The following PPP4R1 variants were observed in gnomAD, a reference collection of about 807,000 sequenced individuals.
PPP4R1 encodes protein phosphatase 4 regulatory subunit 1, also known as serine/threonine-protein phosphatase 4 regulatory subunit 1.
In PPP4R1, 42 loss-of-function variants were observed where a neutral mutation model predicts 111.2. The ratio of observed to expected loss-of-function variants is 0.38; its 90% CI spans 0.29 to 0.49. The LOEUF (loss-of-function observed/expected upper bound fraction) is 0.49. Among genes scored for constraint, PPP4R1 ranks in the 20% least tolerant of loss-of-function variants. PPP4R1 has a pLI of 0.97. For missense variants in PPP4R1, 1,012 were observed against 1,161.6 expected (o/e 0.87, Z 1.87); for synonymous variants, 409 against 405.5 (o/e 1.01, Z -0.10).
At chr18:9,561,086 G>C (rs1284132781) in intron 13 of PPP4R1, among the ~76,000 whole-genome samples, 1 of 151,418 alleles carries the variant, frequency 6.6e-6, no homozygotes, top group East Asian at 2.0e-4. Context: ...GGGCATGGTG[G>C]CTCGCAACTG....
At chr18:9,584,872 G>A in intron 6 of PPP4R1, 44 bp from the exon 7 acceptor site, 2 of 1,400,588 alleles carry the variant, frequency 1.4e-6, no homozygotes, top group African/African-American at 1.4e-5. Flanking sequence ...TATCAAGTAA[G>A]CCTCTTTCAG....
At chr18:9,603,169 TTAG>T (rs1262593999) in intron 2 of PPP4R1, among the ~76,000 whole-genome samples, 1 of 110,648 alleles carries the variant, frequency 9.0e-6, no homozygotes, top group African/African-American at 5.0e-5. Context: ...ATTCAACCAA[TTAG>T]TAGTCTTAAT....
chr18:9,608,561 C>G (rs747521110), intron 2 of PPP4R1, among the ~76,000 whole-genome samples: 1 of 152,194 alleles, frequency 6.6e-6, no homozygotes, highest in Non-Finnish European at 1.5e-5. Flanking sequence ...GCTCAAAGAT[C>G]TGTGCTAAAA....
In PPP4R1 at chr18:9,547,858, A is replaced by G. The variant is rs1568078220; in HGVS notation, c.2784T>C (p.Phe928=). The change falls in exon 20 of 20, where the codon TTT becomes TTC. Residue 928 remains phenylalanine (F), a synonymous_variant. Transcript: ENST00000400556. ...TGGTACTGGCAGGGTGGATGCTTGC[A>G]AAATACTTGACATCGCTGTCACGGT... ...QMDRDSDVKY[F]ASIHPASTKI... is the part of the protein sequence containing the mutation. The G allele has an allele frequency of 6.2e-7, 1 of 1,613,790 alleles. No homozygotes were observed. Among genetic ancestry groups the G allele is most frequent in the South Asian group, 1.1e-5 (1 of 91,056 alleles).
intron 9 of PPP4R1, among the ~76,000 whole-genome samples, chr18:9,579,840 T>A (rs981054954): frequency 4.6e-5 from 7 of 152,332 alleles, no homozygotes; most frequent in African/African-American, 1.7e-4. Context: ...CTATGCCATT[T>A]TGTATCAGAG....
At chr18:9,554,230 C>A (rs993788895) in intron 15 of PPP4R1, among the ~76,000 whole-genome samples, 1 of 151,252 alleles carries the variant, frequency 6.6e-6, no homozygotes, top group Admixed American at 6.6e-5. Context: ...CAGGTTCAAG[C>A]GATTCTCCTG....
At chr18:9,601,344 T>TA (rs1048875857) in intron 2 of PPP4R1, among the ~76,000 whole-genome samples, 1 of 151,620 alleles carries the variant, frequency 6.6e-6, no homozygotes, top group Non-Finnish European at 1.5e-5. Flanking sequence ...GCCAACATGG[T>TA]AAAACCCCTT....
intron 11 of PPP4R1, among the ~76,000 whole-genome samples, chr18:9,564,280 T>C (rs967728759): frequency 2.6e-5 from 4 of 152,220 alleles, no homozygotes; most frequent in Non-Finnish European, 4.4e-5. Context: ...TGCTTAGCAT[T>C]TATTCCAAGT....
In PPP4R1 at chr18:9,595,015, T is replaced by C. The variant is rs1040628357; in HGVS notation, c.188+3A>G. The C allele has an allele frequency of 6.2e-7, 1 of 1,613,730 alleles. No homozygotes were observed. On this transcript the variant is annotated splice_donor_region_variant and intron_variant, in intron 3 of 19. Coordinates refer to ENST00000400556, the MANE Select transcript of PPP4R1 (RefSeq NM_001042388.3). ...CACTTTAACAAAAAGAATATGCACA[T>C]ACCTGTTAAATATGTTCTCACTTGC...
intron 15 of PPP4R1, chr18:9,556,930 A>G (rs2066596946): frequency 4.3e-6 from 1 of 231,150 alleles, no homozygotes; most frequent in Non-Finnish European, 8.4e-6. Flanking sequence ...ATCCTCCTGC[A>G]TGTACTGAGG....
upstream of PPP4R1, among the ~76,000 whole-genome samples, chr18:9,616,985 T>C (rs538729116): frequency 1.1e-4 from 16 of 152,368 alleles, no homozygotes; most frequent in East Asian, 1.7e-3. Context: ...AGCACAAATA[T>C]GTGTTTTTTA....
intron 2 of PPP4R1, among the ~76,000 whole-genome samples, chr18:9,607,677 A>G (rs967013797): frequency 6.6e-6 from 1 of 152,124 alleles, no homozygotes; most frequent in African/African-American, 2.4e-5. Flanking sequence ...TGCTCACACT[A>G]AGTGTTGACA....
At chr18:9,556,591 G>C (rs536795729) in intron 15 of PPP4R1, among the ~76,000 whole-genome samples, 1 of 152,284 alleles carries the variant, frequency 6.6e-6, no homozygotes, top group East Asian at 1.9e-4. Flanking sequence ...AACAACAACA[G>C]TACTCCAGGA....
At chr18:9,580,648 C>G (rs1381645348) in intron 9 of PPP4R1, among the ~76,000 whole-genome samples, 1 of 152,182 alleles carries the variant, frequency 6.6e-6, no homozygotes, top group African/African-American at 2.4e-5. Flanking sequence ...CCGCGCCCAG[C>G]TGACCATTCC....
chr18:9,561,853 A>G, intron 13 of PPP4R1, 127 bp downstream of exon 13: 1 of 710,250 alleles, frequency 1.4e-6, no homozygotes, highest in Admixed American at 2.4e-5. Context: ...TTCCTTATGG[A>G]AAATATGACA....
At chr18:9,602,890 T>C (rs2067415030) in intron 2 of PPP4R1, among the ~76,000 whole-genome samples, 1 of 151,972 alleles carries the variant, frequency 6.6e-6, no homozygotes, top group Non-Finnish European at 1.5e-5. Flanking sequence ...GAACAGAAGA[T>C]TTTTAAGGTA....
intron 15 of PPP4R1, among the ~76,000 whole-genome samples, chr18:9,556,531 T>C (rs2145014420): frequency 6.6e-6 from 1 of 152,258 alleles, no homozygotes; most frequent in Middle Eastern, 3.4e-3. Context: ...ATTACTTCTA[T>C]CACTCAAGCC....
intron 2 of PPP4R1, among the ~76,000 whole-genome samples, chr18:9,595,541 G>A (rs1250106994): frequency 6.6e-6 from 1 of 152,090 alleles, no homozygotes; most frequent in East Asian, 1.9e-4. Flanking sequence ...AATGAAACTG[G>A]TATCTAACTT....
At chr18:9,562,116 G>C in intron 12 of PPP4R1, 41 bp from the exon 13 acceptor site, 1 of 1,434,096 alleles carries the variant, frequency 7.0e-7, no homozygotes, top group Non-Finnish European at 9.8e-7. Flanking sequence ...TGTCCTGTCT[G>C]TACATCTTCA....
Sources: allele counts gnomAD v4.1 joint callset (sites outside exome capture counted in the v4.1 genomes callset), GRCh38; gene constraint gnomAD v4.1.1; transcripts MANE v1.5; gene names NCBI Gene and HGNC (gene_info 2026-07-23, HGNC 2026-07-21).